Variants in TMTC2 observed in about 807,000 individuals in gnomAD.
TMTC2 encodes transmembrane O-mannosyltransferase targeting cadherins 2, also known as protein O-mannosyl-transferase TMTC2.
In TMTC2, 43 loss-of-function variants were observed where a neutral mutation model predicts 82.4. The ratio of observed to expected loss-of-function variants is 0.52; its 90% CI spans 0.41 to 0.67. The LOEUF is 0.67. Ranked by LOEUF, TMTC2 falls within the 30% of genes least tolerant of loss-of-function variation. The probability of loss-of-function intolerance (pLI) is 0.00; values close to 1 mark genes in which losing one functional copy is unlikely to be tolerated. For missense variants in TMTC2, 919 were observed against 1,012.4 expected, an observed-to-expected ratio of 0.91 and a Z score of 1.25; for synonymous variants, 408 against 381.9, an observed-to-expected ratio of 1.07 and a Z score of -0.80.
intron 1 of TMTC2, among the ~76,000 whole-genome samples, chr12:82,846,705 T>G (rs542815208): frequency 6.6e-6 from 1 of 152,128 alleles, no homozygotes; most frequent in Non-Finnish European, 1.5e-5. Context: ...CCAGCAGTTA[T>G]TCGGGGTCGC....
At chr12:83,123,129 A>G (rs1885007283) in intron 11 of TMTC2, among the ~76,000 whole-genome samples, 1 of 152,206 alleles carries the variant, frequency 6.6e-6, no homozygotes, top group African/African-American at 2.4e-5. Context: ...CACTGTGACA[A>G]TCACACCCAT....
intron 1 of TMTC2, among the ~76,000 whole-genome samples, chr12:82,799,090 A>C (rs1878870646): frequency 6.6e-6 from 1 of 152,138 alleles, no homozygotes; most frequent in South Asian, 2.1e-4. Context: ...AAATATTTTC[A>C]TGTGAGAATT....
intron 1 of TMTC2, among the ~76,000 whole-genome samples, chr12:82,689,608 C>G (rs766943723): frequency 2.6e-5 from 4 of 152,106 alleles, no homozygotes; most frequent in Non-Finnish European, 4.4e-5. Flanking sequence ...ATGCATTTTT[C>G]TATAGGTATA....
intron 9 of TMTC2, among the ~76,000 whole-genome samples, chr12:83,045,726 C>CACACAT (rs747864661): frequency 1.3e-5 from 1 of 77,468 alleles, no homozygotes; most frequent in African/African-American, 3.8e-5. Flanking sequence ...CACACACACA[C>CACACAT]GCACACACAC....
intron 1 of TMTC2, among the ~76,000 whole-genome samples, chr12:82,824,033 G>A (rs903579275): frequency 6.6e-6 from 1 of 151,616 alleles, no homozygotes; most frequent in African/African-American, 2.4e-5. Context: ...AGCTGGAATT[G>A]CAGGCGTCCA....
At chr12:82,852,275 G>A (rs1871019441) in intron 1 of TMTC2, among the ~76,000 whole-genome samples, 1 of 151,770 alleles carries the variant, frequency 6.6e-6, no homozygotes, top group Non-Finnish European at 1.5e-5. Flanking sequence ...CTAATTTTGT[G>A]TGTGTGTGTT....
intron 1 of TMTC2, among the ~76,000 whole-genome samples, chr12:82,841,207 A>C (rs1160334313): frequency 6.6e-6 from 1 of 152,192 alleles, no homozygotes; most frequent in African/African-American, 2.4e-5. Context: ...AGTGCCTGCT[A>C]TGTGATTTAT....
intron 1 of TMTC2, among the ~76,000 whole-genome samples, chr12:82,843,777 G>A (rs896203492): frequency 8.5e-5 from 13 of 152,052 alleles, no homozygotes; most frequent in African/African-American, 3.1e-4. Context: ...GTGAAACCCC[G>A]TCTCTACTAA....
intron 7 of TMTC2, among the ~76,000 whole-genome samples, chr12:82,973,630 G>C (rs1878542209): frequency 6.6e-6 from 1 of 151,960 alleles, no homozygotes; most frequent in South Asian, 2.1e-4. Context: ...ATGTACTATG[G>C]TTACAGACGC....
intron 1 of TMTC2, among the ~76,000 whole-genome samples, chr12:82,843,134 T>TGA (rs112901118): frequency 0.25 from 37,412 of 151,764 alleles, 11,245 homozygotes; most frequent in African/African-American, 0.72. Flanking sequence ...TCTTTTTTTT[T>TGA]GTCTCGCAGT....
intron 3 of TMTC2, among the ~76,000 whole-genome samples, chr12:82,925,538 T>G (rs1378182244): frequency 6.6e-6 from 1 of 152,242 alleles, no homozygotes; most frequent in Non-Finnish European, 1.5e-5. Flanking sequence ...AAATTGAATG[T>G]GGCAACTGCA....
chr12:83,001,635 CAAAAAAAAA>C lies in TMTC2; in HGVS notation c.2070+15600_2070+15608del, dbSNP rs34467744. Among the ~76,000 whole-genome samples the C allele has an allele frequency of 4.8e-4, 45 of 93,150 alleles. 1 individual carries two copies. In the South Asian group the frequency reaches 0.014, roughly 30 times the overall value. The allele number at this position is 93,150 out of a possible 152,430, so 61.1% of individuals were successfully genotyped here. A position where few individuals can be genotyped will look rare whatever the true frequency, so the allele number is the denominator to read the frequency against. On this transcript the variant is annotated intron_variant, in intron 8 of 11. Coordinates refer to ENST00000321196, the MANE Select transcript of TMTC2 (RefSeq NM_152588.3). ...GGGCAAAAAGAACAAAACTCTGTCT[CAAAAAAAAA>C]AAAAAAAAAAGAAAAAGAAAAAGTA...
At chr12:82,866,253 A>AC (rs1555192477) in intron 2 of TMTC2, among the ~76,000 whole-genome samples, 1 of 151,418 alleles carries the variant, frequency 6.6e-6, no homozygotes, top group South Asian at 2.1e-4. Flanking sequence ...TCAAAAAAAA[A>AC]AAAAAAAAAA....
intron 1 of TMTC2, among the ~76,000 whole-genome samples, chr12:82,780,820 A>G (rs1293924378): frequency 8.2e-6 from 1 of 121,276 alleles, no homozygotes; most frequent in Non-Finnish European, 1.8e-5. Flanking sequence ...TTTTTTTTTT[A>G]ATTTGGCTTA....
At chr12:82,809,927 G>C (rs1029987845) in intron 1 of TMTC2, among the ~76,000 whole-genome samples, 10 of 152,030 alleles carry the variant, frequency 6.6e-5, no homozygotes, top group Admixed American at 2.0e-4. Flanking sequence ...TTACGGTATG[G>C]GGTCATAGAC....
At chr12:82,816,967 T>C (rs1404707090) in intron 1 of TMTC2, among the ~76,000 whole-genome samples, 1 of 150,058 alleles carries the variant, frequency 6.7e-6, no homozygotes, top group Non-Finnish European at 1.5e-5. Flanking sequence ...TTTCTTTCTT[T>C]GTTTTTTTTT....
chr12:82,916,081 G>T (rs1362896987), intron 3 of TMTC2, among the ~76,000 whole-genome samples: 1 of 152,160 alleles, frequency 6.6e-6, no homozygotes, highest in Non-Finnish European at 1.5e-5. Flanking sequence ...GTACTGGTTG[G>T]ATGACTGCAT....
intron 1 of TMTC2, among the ~76,000 whole-genome samples, chr12:82,703,672 C>A (rs947323686): frequency 6.6e-6 from 1 of 151,852 alleles, no homozygotes; most frequent in African/African-American, 2.4e-5. Flanking sequence ...CTAATTTTTT[C>A]TATTTTTTGG....
At chr12:82,738,877 A>G (rs945931338) in intron 1 of TMTC2, among the ~76,000 whole-genome samples, 2 of 151,998 alleles carry the variant, frequency 1.3e-5, no homozygotes, top group African/African-American at 4.8e-5. Flanking sequence ...GCTGGGTGTG[A>G]TGGCTCACGT....
Sources: allele counts gnomAD v4.1 joint callset (sites outside exome capture counted in the v4.1 genomes callset), GRCh38; gene constraint gnomAD v4.1.1; transcripts MANE v1.5; gene names NCBI Gene and HGNC (gene_info 2026-07-23, HGNC 2026-07-21).